The following DNAH1 variants were observed in gnomAD, a reference collection of about 807,000 sequenced individuals.
DNAH1 encodes dynein axonemal heavy chain 1.
In DNAH1, 327 loss-of-function variants were observed where a neutral mutation model predicts 484.3. The ratio of observed to expected loss-of-function variants is 0.68; its 90% CI spans 0.62 to 0.74. The LOEUF (loss-of-function observed/expected upper bound fraction) is 0.74, where lower values mean the gene tolerates loss of function less well. DNAH1 is among the 30% of genes least tolerant of loss of function. The pLI, the probability that DNAH1 is intolerant of heterozygous loss-of-function variation, is 0.00. For missense variants in DNAH1, 5,052 were observed against 5,546.8 expected (o/e 0.91, Z 2.83); for synonymous variants, 2,192 against 2,191.9 (o/e 1.00, Z 0.00).
In DNAH1 at chr3:52,370,038, A is replaced by G; in HGVS notation, c.6138+19A>G. ...CCTGGAGGTGAGTGAGGCCACGGGT[A>G]TGTCTGACCCTGGCAGGGCAGCAGG... On this transcript the variant is annotated intron_variant, in intron 38 of 77. Transcript: ENST00000420323. 6.2e-7 allele frequency: 1 copy of G among 1,613,108 alleles called. No homozygotes were observed. The highest frequency in any genetic ancestry group is 1.1e-5 in the South Asian group (1 of 91,078).
At position 52,388,798 on chromosome 3, in the gene DNAH1, C is replaced by T; in HGVS notation, c.9364-8C>T. The T allele has an allele frequency of 1.2e-6, 2 of 1,613,118 alleles. No individual in the cohort carries two copies. Among genetic ancestry groups the T allele is most frequent in the Non-Finnish European group, 1.7e-6 (2 of 1,179,820 alleles). On this transcript the variant is annotated splice_region_variant and splice_polypyrimidine_tract_variant and intron_variant, in intron 58 of 77. Transcript: ENST00000420323. ...CCCAGAGCCCACCCCACGGGGCTGC[C>T]CCTCCAGCTCATCAACGGGCTGTCG... is the stretch of plus-strand genomic sequence containing the variant.
Position 52,395,012 on chromosome 3 carries a change from C to G in DNAH1, c.10921C>G (p.Gln3641Glu), listed in dbSNP as rs1377977707. 1 of 1,611,636 alleles carries G rather than the reference C, an allele frequency of 6.2e-7. No homozygotes were observed. Among genetic ancestry groups the G allele is most frequent in the Admixed American group, 1.7e-5 (1 of 59,724 alleles). The change falls in exon 68 of 78, where the codon CAG (glutamine) becomes GAG (glutamate). Residue 3641 changes from glutamine to glutamate, a missense_variant. Around this residue, in one of 4 missense-constraint regions of DNAH1, gnomAD observed 853 missense variants for 899.0 expected, o/e 0.95. Transcript: ENST00000420323. This position sits in a 1 kb window ranked among gnomAD's most constrained non-coding sequence, Gnocchi z 4.4. ...TGGGGACAAGGTTACCAACGCCATGCAGGACTTTGTGGCCACCAACCTGGA... is the reference window on the plus strand; with the variant it reads ...TGGGGACAAGGTTACCAACGCCATGGAGGACTTTGTGGCCACCAACCTGGA... Reference protein sequence around the residue: ...LRGDKVTNAMQDFVATNLEPR... With the variant: ...LRGDKVTNAMEDFVATNLEPR...
rs368834473 is a variant in DNAH1 at position 52,399,185 on chromosome 3, T to G, written c.12425T>G (p.Ile4142Ser). ...AAATTTGTCATCTCCATTGACACCA[T>G]CTCCTTTGATTTCAAGGTCTGGGCA... ...ARKFVISIDTISFDFKVMFEA... is the reference protein window; with the variant it reads ...ARKFVISIDTSSFDFKVMFEA... The change falls in exon 76 of 78, where the codon ATC becomes AGC. Residue 4142 changes from isoleucine to serine, a missense_variant. Around this residue, in one of 4 missense-constraint regions of DNAH1, gnomAD observed 853 missense variants for 899.0 expected, o/e 0.95. Transcript: ENST00000420323. The G allele has an allele frequency of 2.5e-6, 4 of 1,609,202 alleles. No individual in the cohort carries two copies. The African/African-American group carries it at 5.3e-5, about 21-fold the overall frequency.
In DNAH1 at chr3:52,347,963, C is replaced by T; in HGVS notation, c.2095C>T (p.Gln699Ter). ...CATCCTGGCCACCCATGCCGTGCCC[C>T]AGCTGGAGAAGGTACGTGCTGCAGC... Reference protein sequence around the residue: ...KGILATHAVPQLEKLVMEDIF... With the variant: ...KGILATHAVP Residue 699 changes from glutamine (Q) to a stop codon, truncating the protein, a stop_gained, in exon 12 of 78, where the codon CAG becomes TAG. Coordinates refer to ENST00000420323, the MANE Select transcript of DNAH1 (RefSeq NM_015512.5). LOFTEE classifies it high-confidence loss of function. The T allele has an allele frequency of 6.2e-7, 1 of 1,609,174 alleles. No individual in the cohort carries two copies. Among genetic ancestry groups the T allele is most frequent in the South Asian group, 1.1e-5 (1 of 89,918 alleles).
intron 34 of DNAH1, among the ~76,000 whole-genome samples, 200 bp downstream of exon 34, chr3:52,365,219 G>C (rs539606679): frequency 3.3e-5 from 5 of 152,324 alleles, no homozygotes; most frequent in South Asian, 4.1e-4. Flanking sequence ...CCCGCCTGGT[G>C]GTGGGGAGGC....
At chr3:52,372,590 C>T (rs1703393016) in intron 43 of DNAH1, among the ~76,000 whole-genome samples, 1 of 152,250 alleles carries the variant, frequency 6.6e-6, no homozygotes, top group African/African-American at 2.4e-5. Flanking sequence ...CAAAGCCAGT[C>T]AGCGAGTGGG....
At chr3:52,347,768 T>C in intron 11 of DNAH1, 56 bp from the exon 12 acceptor site, 2 of 1,489,988 alleles carry the variant, frequency 1.3e-6, no homozygotes, top group Admixed American at 2.3e-5. Flanking sequence ...AGAGGGCTGC[T>C]CCTGCACACA....
chr3:52,372,438 G>T, intron 43 of DNAH1, 51 bp downstream of exon 43: 4 of 1,598,930 alleles, frequency 2.5e-6, no homozygotes, highest in South Asian at 1.1e-5. Context: ...CAGCCTGGCC[G>T]ATCCAGCTGC....
chr3:52,365,948 C>T (rs1256403548), intron 34 of DNAH1, among the ~76,000 whole-genome samples: 4 of 152,244 alleles, frequency 2.6e-5, no homozygotes, highest in East Asian at 1.9e-4. Context: ...CAGGAACCCC[C>T]GGACCTGCAG....
At chr3:52,365,086 G>A in intron 34 of DNAH1, 67 bp downstream of exon 34, 1 of 1,551,328 alleles carries the variant, frequency 6.4e-7, no homozygotes, top group Admixed American at 1.8e-5. Context: ...CAGGTCAGGG[G>A]GACAGAGACA....
chr3:52,346,685 C>G lies in DNAH1; in HGVS notation c.1870C>G (p.Gln624Glu), dbSNP rs1702157341. The G allele has an allele frequency of 6.2e-7, 1 of 1,613,926 alleles. No individual in the cohort carries two copies. The highest frequency in any genetic ancestry group is 1.3e-5 in the African/African-American group (1 of 74,950). The part of the protein sequence containing the change: ...LVQDSLASFS[Q>E]FISDTCCSVL... Reference sequence around the variant, plus strand: ...GCAGGACTCACTTGCCAGCTTCTCACAGTTCATCAGCGACACCTGTTGCAG... The same window carrying G: ...GCAGGACTCACTTGCCAGCTTCTCAGAGTTCATCAGCGACACCTGTTGCAG... Residue 624 changes from glutamine to glutamate, a missense_variant, in exon 11 of 78, where the codon CAG (glutamine) becomes GAG (glutamate). Around this residue, in one of 4 missense-constraint regions of DNAH1, gnomAD observed 1,263 missense variants for 1,218.8 expected, o/e 1.04. Transcript: ENST00000420323.
Position 52,389,446 on chromosome 3 carries a change from C to A in DNAH1, c.9496-15C>A, listed in dbSNP as rs1457761752. 9.3e-6 allele frequency: 15 copies of A among 1,611,486 alleles called. No individual in the cohort carries two copies. The highest frequency in any genetic ancestry group is 2.2e-5 in the South Asian group (2 of 90,294). Reference sequence around the variant, plus strand: ...GTGTCATGGTGGGGTGGTCCTGAGTCTGGCATCTCCCCAGGGCCAGTACCG... The same window carrying A: ...GTGTCATGGTGGGGTGGTCCTGAGTATGGCATCTCCCCAGGGCCAGTACCG... On this transcript the variant is annotated splice_polypyrimidine_tract_variant and intron_variant, in intron 59 of 77. Transcript: ENST00000420323.
At chr3:52,391,727 C>A in intron 63 of DNAH1, 124 bp downstream of exon 63, 1 of 1,136,572 alleles carries the variant, frequency 8.8e-7, no homozygotes, top group Non-Finnish European at 1.3e-6. Context: ...CCACCAGTTT[C>A]ACCCCAGGCA....
In DNAH1 at chr3:52,399,135, A is replaced by AC. The variant is rs1559579388; in HGVS notation, c.12375_12376insC (p.Gly4126ArgfsTer15). On this transcript the variant is annotated frameshift_variant, in exon 76 of 78. Coordinates refer to ENST00000420323, the MANE Select transcript of DNAH1 (RefSeq NM_015512.5). LOFTEE classifies it high-confidence loss of function. ...TCTTCTTCCCCCAGGCTTTCTTAACAGGCACTCTGCAGAATTTTGCCCGCA... is the reference window on the plus strand; with the variant it reads ...TCTTCTTCCCCCAGGCTTTCTTAACACGGCACTCTGCAGAATTTTGCCCGCA... 1.2e-6 allele frequency: 2 copies of AC among 1,613,856 alleles called. No individual in the cohort carries two copies. The highest frequency in any genetic ancestry group is 1.3e-5 in the African/African-American group (1 of 74,930).
Position 52,326,147 on chromosome 3 carries a change from C to T in DNAH1, c.414C>T (p.Ser138=). 1 of 1,603,142 alleles carries T rather than the reference C, an allele frequency of 6.2e-7. No homozygotes were observed. The highest frequency in any genetic ancestry group is 2.2e-5 in the East Asian group (1 of 44,472). The stretch of plus-strand genomic sequence containing the variant: ...CCCTGCTTCTACCTGCAGTCGGAAG[C>T]TTTGAGGTTCCTGAAGACTTCCAGG... ...DLDKFTPRVG[S]FEVPEDFQER... Residue 138 remains serine, a synonymous_variant, in exon 4 of 78, where the codon AGC becomes AGT. Transcript: ENST00000420323.
intron 1 of DNAH1, among the ~76,000 whole-genome samples, chr3:52,321,025 C>T (rs1028018650): frequency 1.1e-4 from 16 of 152,002 alleles, no homozygotes; most frequent in African/African-American, 3.9e-4. Flanking sequence ...GTCTCTAACT[C>T]CTGATCTCAA....
In DNAH1 at chr3:52,344,517, C is replaced by T; in HGVS notation, c.1314C>T (p.Ala438=). Residue 438 remains alanine, a synonymous_variant, in exon 9 of 78, where the codon GCC becomes GCT. Coordinates refer to ENST00000420323, the MANE Select transcript of DNAH1 (RefSeq NM_015512.5). ...TTCTAGAGCACCTCAGCAGTCTTGC[C>T]AGAGAAGTGAGCCTGGACTATGAGC... ...PSVLEHLSSL[A]REVSLDYERS... 6.2e-7 allele frequency: 1 copy of T among 1,613,970 alleles called. No homozygotes were observed. The highest frequency in any genetic ancestry group is 8.5e-7 in the Non-Finnish European group (1 of 1,179,840).
chr3:52,352,442 A>G, intron 17 of DNAH1, 110 bp from the exon 18 acceptor site: 2 of 1,416,192 alleles, frequency 1.4e-6, no homozygotes, highest in Non-Finnish European at 9.5e-7. Context: ...CCTCCTTAGA[A>G]CTCGGAGGAG....
rs781034771 is a variant in DNAH1, at chr3:52,370,832, G to A, written c.6525+7G>A. ...AGAGGAGGAATACAAGCAGGTGGCC[G>A]CAGGCCCTCCCCAGAGACTGCACAG... On this transcript the variant is annotated splice_region_variant and intron_variant, in intron 41 of 77. Transcript: ENST00000420323. 2.2e-5 allele frequency: 35 copies of A among 1,584,210 alleles called. No homozygotes were observed. The East Asian group carries it at 6.9e-4, about 31-fold the overall frequency.
Sources: allele counts gnomAD v4.1 joint callset (sites outside exome capture counted in the v4.1 genomes callset), GRCh38; gene constraint gnomAD v4.1.1; regional missense constraint gnomAD v4.1.1; non-coding constraint Gnocchi (gnomAD v3.1); transcripts MANE v1.5; gene names NCBI Gene and HGNC (gene_info 2026-07-23, HGNC 2026-07-21).